RTF2: variants seen among roughly 807,000 people sequenced by gnomAD.
The protein encoded by RTF2 is UPF0549 protein C20orf43.
Under a neutral mutation model 38.0 loss-of-function variants are expected in RTF2, and 18 were observed. That is an observed-to-expected ratio of 0.47 (90% CI 0.33 to 0.70). The LOEUF is 0.70. Among genes scored for constraint, RTF2 ranks in the 30% least tolerant of loss-of-function variants. The probability of loss-of-function intolerance (pLI) is 0.02; values close to 1 mark genes in which losing one functional copy is unlikely to be tolerated. For synonymous variants in RTF2, 126 were observed against 137.1 expected (o/e 0.92, Z 0.57); for missense variants, 311 against 379.6 (o/e 0.82, Z 1.50).
chr20:56,482,333 A>G (rs570040652), intron 4 of RTF2, among the ~76,000 whole-genome samples: 1 of 152,368 alleles, frequency 6.6e-6, no homozygotes, highest in East Asian at 1.9e-4. Context: ...TACATATGAT[A>G]CCTAATACAA....
intron 5 of RTF2, among the ~76,000 whole-genome samples, chr20:56,500,324 G>A (rs1983847628): frequency 6.6e-6 from 1 of 152,224 alleles, no homozygotes; most frequent in East Asian, 1.9e-4. Context: ...AAAGTGTTGG[G>A]ATTACAGGCG....
intron 4 of RTF2, among the ~76,000 whole-genome samples, chr20:56,477,399 C>T (rs1167292880): frequency 6.6e-6 from 1 of 152,194 alleles, no homozygotes; most frequent in Non-Finnish European, 1.5e-5. Context: ...GAAAAGTTCT[C>T]ATGTGACGCT....
In RTF2 at chr20:56,496,321, G is replaced by A. The variant is rs544451632; in HGVS notation, c.477+12132G>A. 7.9e-5 allele frequency among the ~76,000 whole-genome samples: 12 copies of A among 152,320 alleles called. No individual in the cohort carries two copies. In the East Asian group the frequency reaches 2.3e-3, roughly 29 times the overall value. On this transcript the variant is annotated intron_variant, in intron 5 of 8. Transcript: ENST00000357348. ...CCAGCACTTTGGGAGGCCGAGGCAG[G>A]CGGATCACCTGAGATCGGGAGTTCC...
chr20:56,495,134 G>T, intron 5 of RTF2: 1 of 1,081,448 alleles, frequency 9.2e-7, no homozygotes, highest in Non-Finnish European at 1.4e-6. Context: ...CACTAGGATT[G>T]AGGCAGCAGT....
chr20:56,489,682 C>T (rs1265913680), intron 5 of RTF2, among the ~76,000 whole-genome samples: 1 of 152,242 alleles, frequency 6.6e-6, no homozygotes, highest in Admixed American at 6.5e-5. Context: ...GATGCTTTTA[C>T]AGGGCCCCCT....
At chr20:56,508,183 C>G (rs560288864) in intron 5 of RTF2, among the ~76,000 whole-genome samples, 8 of 152,206 alleles carry the variant, frequency 5.3e-5, no homozygotes, top group Admixed American at 4.6e-4. Flanking sequence ...CTGTTGGAGA[C>G]AAGAACCACA....
At chr20:56,515,639 CACAGTG>C (rs1984996896) in intron 6 of RTF2, 1 of 145,516 alleles carries the variant, frequency 6.9e-6, no homozygotes, top group African/African-American at 2.6e-5. Flanking sequence ...CACACACACA[CACAGTG>C]AGATTCTGTC....
At chr20:56,507,547 A>AT (rs974938563) in intron 5 of RTF2, among the ~76,000 whole-genome samples, 22 of 152,228 alleles carry the variant, frequency 1.4e-4, no homozygotes, top group Non-Finnish European at 2.8e-4. Context: ...TAAAAGTACA[A>AT]TAAGTCTGGG....
intron 2 of RTF2, 96 bp downstream of exon 2, chr20:56,473,491 C>A: frequency 1.2e-6 from 1 of 860,248 alleles, no homozygotes; most frequent in Non-Finnish European, 1.9e-6. Context: ...CGTGGATTAT[C>A]CCAAGCAAAT....
In RTF2 at chr20:56,482,728, G is replaced by A. The variant is rs890077830; in HGVS notation, c.399-1383G>A. ...CTGGATTTTGGTTAGGCCAATCTGCGTCTGCTATAATCCCTGGGAAATTAG... is the reference window on the plus strand; with the variant it reads ...CTGGATTTTGGTTAGGCCAATCTGCATCTGCTATAATCCCTGGGAAATTAG... On this transcript the variant is annotated intron_variant, in intron 4 of 8. Transcript: ENST00000357348. 2.0e-5 allele frequency among the ~76,000 whole-genome samples: 3 copies of A among 152,200 alleles called. No individual in the cohort carries two copies. The South Asian group carries it at 6.2e-4, about 32-fold the overall frequency.
chr20:56,488,967 C>A (rs1224043754), intron 5 of RTF2, among the ~76,000 whole-genome samples: 1 of 152,192 alleles, frequency 6.6e-6, no homozygotes, highest in Middle Eastern at 3.2e-3. Flanking sequence ...CCATTGCTGT[C>A]CCCACTCTCC....
intron 4 of RTF2, among the ~76,000 whole-genome samples, chr20:56,482,854 T>C (rs1982591639): frequency 6.6e-6 from 1 of 152,214 alleles, no homozygotes; most frequent in South Asian, 2.1e-4. Flanking sequence ...ATTCGTTGTT[T>C]GATGTTTAAT....
chr20:56,487,437 C>T lies in RTF2; in HGVS notation c.477+3248C>T, dbSNP rs555454738. 2.0e-5 allele frequency among the ~76,000 whole-genome samples: 3 copies of T among 152,306 alleles called. No individual in the cohort carries two copies. In the East Asian group the frequency reaches 5.8e-4, roughly 29 times the overall value. ...GTAGAGACCAGGTGACGAACAGGAG[C>T]GAGCGTAGGCTCCTCCCGGCTCCTC... On this transcript the variant is annotated intron_variant, in intron 5 of 8. Coordinates refer to ENST00000357348, the MANE Select transcript of RTF2 (RefSeq NM_016407.5).
intron 4 of RTF2, among the ~76,000 whole-genome samples, chr20:56,478,988 A>G (rs1335510670): frequency 6.6e-6 from 1 of 152,202 alleles, no homozygotes; most frequent in African/African-American, 2.4e-5. Context: ...TTGCTCATCC[A>G]TAAGAAGCAA....
At chr20:56,480,818 A>C (rs1016720363) in intron 4 of RTF2, among the ~76,000 whole-genome samples, 1 of 152,220 alleles carries the variant, frequency 6.6e-6, no homozygotes, top group Non-Finnish European at 1.5e-5. Flanking sequence ...ACATTTATTA[A>C]TTGAGTTTAC....
chr20:56,482,829 C>T (rs549796461), intron 4 of RTF2, among the ~76,000 whole-genome samples: 3 of 152,144 alleles, frequency 2.0e-5, no homozygotes, highest in South Asian at 4.2e-4. Context: ...GCTCTCCAGC[C>T]GCGGTGGAGG....
At chr20:56,481,541 T>TG (rs1204446626) in intron 4 of RTF2, among the ~76,000 whole-genome samples, 1 of 152,226 alleles carries the variant, frequency 6.6e-6, no homozygotes, top group Non-Finnish European at 1.5e-5. Flanking sequence ...AGACATATTC[T>TG]GGGGAACCAG....
intron 5 of RTF2, among the ~76,000 whole-genome samples, chr20:56,501,990 T>C (rs1351468004): frequency 2.6e-5 from 4 of 152,234 alleles, no homozygotes; most frequent in Non-Finnish European, 5.9e-5. Context: ...CTTTTAGCCC[T>C]CCATATCTGC....
intron 6 of RTF2, chr20:56,515,692 ACG>A (rs1491130375): frequency 2.0e-5 from 3 of 151,872 alleles, no homozygotes; most frequent in East Asian, 1.9e-4. Flanking sequence ...ACACACACAC[ACG>A]GAAAAAATGC....
Sources: gnomAD v4.1 joint callset for allele counts (sites outside exome capture counted in the v4.1 genomes callset) on GRCh38, gnomAD v4.1.1 for gene constraint, MANE v1.5 for transcripts, NCBI Gene and HGNC (gene_info 2026-07-23, HGNC 2026-07-21) for gene names.